The following DNAH10 variants were observed in gnomAD, a reference collection of about 807,000 sequenced individuals.
The protein encoded by DNAH10 is dynein axonemal heavy chain 10.
Under a neutral mutation model 506.6 loss-of-function variants are expected in DNAH10, and 348 were observed. That is an observed-to-expected ratio of 0.69 (90% CI 0.63 to 0.75). The LOEUF (loss-of-function observed/expected upper bound fraction) is 0.75. Ranked by LOEUF, DNAH10 falls within the 30% of genes least tolerant of loss-of-function variation. The pLI, the probability that DNAH10 is intolerant of heterozygous loss-of-function variation, is 0.00. For synonymous variants in DNAH10, 2,059 were observed against 2,198.6 expected, an observed-to-expected ratio of 0.94 and a Z score of 1.78; for missense variants, 5,179 against 5,787.1, an observed-to-expected ratio of 0.89 and a Z score of 3.41.
At position 123,799,340 on chromosome 12, in the gene DNAH10, C is replaced by T; in HGVS notation, c.2258C>T (p.Pro753Leu). The T allele has an allele frequency of 6.2e-7, 1 of 1,611,472 alleles. No homozygotes were observed. Among genetic ancestry groups the T allele is most frequent in the Non-Finnish European group, 8.5e-7 (1 of 1,178,214 alleles). The change falls in exon 14 of 79, where the codon CCA becomes CTA. Residue 753 changes from proline to leucine, a missense_variant. By Grantham distance (98) the Pro-to-Leu change is moderately conservative. Transcript: ENST00000673944. Reference protein sequence around the residue: ...QWMEVTEQVLPALMKKSLLTK... With the variant: ...QWMEVTEQVLLALMKKSLLTK... ...ATGGAGGTGACGGAGCAGGTGCTGC[C>T]AGCTCTCATGAAGAAGAGCCTTTTG... is the stretch of plus-strand genomic sequence containing the variant.
At chr12:123,867,333 G>C in intron 41 of DNAH10, 134 bp from the exon 42 acceptor site, 2 of 974,466 alleles carry the variant, frequency 2.1e-6, no homozygotes, top group East Asian at 2.6e-5. Context: ...CTATTATCAG[G>C]ATTTCCTCAC....
chr12:123,822,713 T>A (rs188418802), intron 24 of DNAH10, among the ~76,000 whole-genome samples: 39 of 152,300 alleles, frequency 2.6e-4, no homozygotes, highest in African/African-American at 8.9e-4. Context: ...TGGTCTGCAG[T>A]TGGCAAGCTA....
In DNAH10 at chr12:123,902,857, G is replaced by T; in HGVS notation, c.9641-82G>T. 6.8e-7 allele frequency: 1 copy of T among 1,467,564 alleles called. No homozygotes were observed. The highest frequency in any genetic ancestry group is 1.4e-5 in the South Asian group (1 of 71,208). The allele number at this position is 1,467,564 out of a possible 1,614,324, so 90.9% of individuals were successfully genotyped here. On this transcript the variant is annotated intron_variant, in intron 56 of 78. Transcript: ENST00000673944. The surrounding 1 kb of genome is among the most constrained non-coding windows in gnomAD (Gnocchi z 4.5). ...GCTAGGGCTCAAGCCAACCTTTGAG[G>T]ACTGCACTCTGCTCAGAGCCGGGGC... is the stretch of plus-strand genomic sequence containing the variant.
Position 123,865,954 on chromosome 12 carries a change from G to A in DNAH10, c.7048G>A (p.Gly2350Arg). Residue 2350 changes from glycine to arginine, a missense_variant, in exon 41 of 79, where the codon GGA becomes AGA. Gly to Arg is a moderately radical substitution (Grantham distance 125, BLOSUM62 -2). This residue lies in a region of DNAH10 where 4,844 missense variants were observed against 5,430.5 expected (regional missense o/e 0.89). Coordinates refer to ENST00000673944, the MANE Select transcript of DNAH10 (RefSeq NM_001372106.1). ...TTGATTTTCTTTATTTATCCAGGTT[G>A]GAGATTTACAGTATGCCTCCCCTGC... ...QAHCALLFEV[G>R]DLQYASPATV... 1 of 1,601,530 alleles carries A rather than the reference G, an allele frequency of 6.2e-7. No individual in the cohort carries two copies. Among genetic ancestry groups the A allele is most frequent in the Non-Finnish European group, 8.5e-7 (1 of 1,175,772 alleles).
chr12:123,787,790 T>A lies in DNAH10; in HGVS notation c.1422-14T>A, dbSNP rs542109616. The A allele has an allele frequency of 1.9e-6, 3 of 1,611,302 alleles. No individual in the cohort carries two copies. The South Asian group carries it at 3.3e-5, about 18-fold the overall frequency. On this transcript the variant is annotated splice_polypyrimidine_tract_variant and intron_variant, in intron 9 of 78. Coordinates refer to ENST00000673944, the MANE Select transcript of DNAH10 (RefSeq NM_001372106.1). The surrounding 1 kb of genome is among the most constrained non-coding windows in gnomAD (Gnocchi z 4.6). Reference sequence around the variant, plus strand: ...TCCGCCCTCCTCCCATCACGGCATCTCTTGGCTTCGCAGAGAAAATCGAGC... The same window carrying A: ...TCCGCCCTCCTCCCATCACGGCATCACTTGGCTTCGCAGAGAAAATCGAGC...
intron 66 of DNAH10, 32 bp downstream of exon 66, chr12:123,923,899 T>A (rs1954830966): frequency 6.8e-7 from 1 of 1,464,898 alleles, no homozygotes; most frequent in Non-Finnish European, 9.4e-7. Flanking sequence ...ATTCCTCCCA[T>A]CTCCTTGCCC....
chr12:123,909,580 G>A lies in DNAH10; in HGVS notation c.9997+138G>A, dbSNP rs1025050055. On this transcript the variant is annotated intron_variant, in intron 58 of 78. Coordinates refer to ENST00000673944, the MANE Select transcript of DNAH10 (RefSeq NM_001372106.1). This position sits in a 1 kb window ranked among gnomAD's most constrained non-coding sequence, Gnocchi z 5.4. The stretch of plus-strand genomic sequence containing the variant: ...GGTCAGATGGTATCGGATGGAACAG[G>A]CAACTGATGGTCACCAGAGGAAAAC... 2.3e-5 allele frequency: 26 copies of A among 1,133,528 alleles called. No homozygotes were observed. In the South Asian group the frequency reaches 3.9e-4, roughly 17 times the overall value. The allele number at this position is 1,133,528 out of a possible 1,614,324, so 70.2% of individuals were successfully genotyped here.
At chr12:123,828,274 G>A (rs1444455288) in intron 25 of DNAH10, among the ~76,000 whole-genome samples, 1 of 151,978 alleles carries the variant, frequency 6.6e-6, no homozygotes, top group Non-Finnish European at 1.5e-5. Flanking sequence ...AGGGACTGAG[G>A]ACACAGCGTA....
Position 123,853,446 on chromosome 12 carries a change from C to A in DNAH10, c.6438+94C>A. 7.0e-7 allele frequency: 1 copy of A among 1,436,278 alleles called. No individual in the cohort carries two copies. Among genetic ancestry groups the A allele is most frequent in the South Asian group, 1.5e-5 (1 of 64,842 alleles). The allele number at this position is 1,436,278 out of a possible 1,614,324, so 89.0% of individuals were successfully genotyped here. ...AGGTGATGGGCACAGTATGGTATCA[C>A]CTGAAAGGTTTAAGTCTTAGCTGCC... On this transcript the variant is annotated intron_variant, in intron 36 of 78. Coordinates refer to ENST00000673944, the MANE Select transcript of DNAH10 (RefSeq NM_001372106.1). The surrounding 1 kb of genome is among the most constrained non-coding windows in gnomAD (Gnocchi z 4.7).
chr12:123,769,992 GGACTTA>G (rs1476527783), intron 2 of DNAH10, among the ~76,000 whole-genome samples: 1 of 149,990 alleles, frequency 6.7e-6, no homozygotes, highest in Non-Finnish European at 1.5e-5. Context: ...TATAATCCCA[GGACTTA>G]GGGAGGCCAA....
At chr12:123,896,557 C>T (rs148969190) in intron 54 of DNAH10, among the ~76,000 whole-genome samples, 84 of 152,142 alleles carry the variant, frequency 5.5e-4, no homozygotes, top group Non-Finnish European at 1.1e-3. Flanking sequence ...ATAAGCCCAC[C>T]CAGTCCTCGG....
At chr12:123,770,670 T>C (rs976300213) in intron 2 of DNAH10, among the ~76,000 whole-genome samples, 8 of 152,218 alleles carry the variant, frequency 5.3e-5, no homozygotes, top group Non-Finnish European at 8.8e-5. Flanking sequence ...CAAAAACTAA[T>C]AGCAGAGAGG....
intron 18 of DNAH10, among the ~76,000 whole-genome samples, chr12:123,807,796 C>CG (rs1958738803): frequency 1.5e-5 from 1 of 66,338 alleles, no homozygotes; most frequent in Non-Finnish European, 2.9e-5. Flanking sequence ...GAGAGAGAGG[C>CG]AGAGGGGGAG....
In DNAH10 at chr12:123,913,311, A is replaced by C; in HGVS notation, c.10348A>C (p.Ile3450Leu). The change falls in exon 60 of 79, where the codon ATC becomes CTC. Residue 3450 changes from isoleucine (I) to leucine (L), a missense_variant. Around this residue, in one of 3 missense-constraint regions of DNAH10, gnomAD observed 4,844 missense variants for 5,430.5 expected, o/e 0.89. Coordinates refer to ENST00000673944, the MANE Select transcript of DNAH10 (RefSeq NM_001372106.1). The surrounding 1 kb of genome is among the most constrained non-coding windows in gnomAD (Gnocchi z 5.1). The part of the protein sequence containing the change: ...KLISGLGSEN[I>L]RWLNDLDELM... ...CATCTCGGGTCTGGGGTCAGAAAAC[A>C]TCAGGTTAGCGCTGCTCACGAGCCC... The C allele has an allele frequency of 6.3e-7, 1 of 1,595,246 alleles. No homozygotes were observed. Among genetic ancestry groups the C allele is most frequent in the Non-Finnish European group, 8.5e-7 (1 of 1,171,798 alleles).
Position 123,762,370 on chromosome 12 carries a change from C to G in DNAH10, c.34C>G (p.Arg12Gly). The change falls in exon 1 of 79, where the codon CGC becomes GGC. Residue 12 changes from arginine to glycine, a missense_variant. Arg to Gly is a moderately radical substitution (Grantham distance 125). This residue lies in a region of DNAH10 where 326 missense variants were observed against 330.8 expected (regional missense o/e 0.99). Coordinates refer to ENST00000673944, the MANE Select transcript of DNAH10 (RefSeq NM_001372106.1). This position sits in a 1 kb window ranked among gnomAD's most constrained non-coding sequence, Gnocchi z 5.0. ...CCTGCGGGTGCTGTGGATGCGCGAC[C>G]GCGTGTATGCGGCTTTCGGCATCAC... The part of the protein sequence containing the change: ...DDLRVLWMRD[R>G]VYAAFGITDP... 1 of 1,366,770 alleles carries G rather than the reference C, an allele frequency of 7.3e-7. No individual in the cohort carries two copies. Among genetic ancestry groups the G allele is most frequent in the Non-Finnish European group, 9.5e-7 (1 of 1,056,640 alleles). 84.7% of individuals were successfully genotyped at this position (1,366,770 alleles called of 1,614,324 possible). A position where few individuals can be genotyped will look rare whatever the true frequency, so the allele number is the denominator to read the frequency against.
Position 123,928,320 on chromosome 12 carries a change from G to C in DNAH10, c.12106-67G>C. ...TCGCCCTTCTGTGGGTGTGGAGTGG[G>C]TCTCTGGAGAGCACGGGGTTGGGTT... is the stretch of plus-strand genomic sequence containing the variant. On this transcript the variant is annotated intron_variant, in intron 69 of 78. Transcript: ENST00000673944. This position sits in a 1 kb window ranked among gnomAD's most constrained non-coding sequence, Gnocchi z 4.9. 6.6e-7 allele frequency: 1 copy of C among 1,518,196 alleles called. No individual in the cohort carries two copies. Among genetic ancestry groups the C allele is most frequent in the South Asian group, 1.2e-5 (1 of 81,210 alleles). The allele number at this position is 1,518,196 out of a possible 1,614,324, so 94.0% of individuals were successfully genotyped here.
At chr12:123,910,809 C>A in intron 59 of DNAH10, 137 bp downstream of exon 59, 3 of 1,066,244 alleles carry the variant, frequency 2.8e-6, no homozygotes, top group Non-Finnish European at 4.0e-6. Context: ...CTCCACCACC[C>A]AATAAATGGC....
At chr12:123,792,957 A>T (rs538031237) in intron 11 of DNAH10, among the ~76,000 whole-genome samples, 3 of 152,312 alleles carry the variant, frequency 2.0e-5, no homozygotes, top group South Asian at 2.1e-4. Flanking sequence ...TGAGTCTTAT[A>T]TGTATGAATT....
At chr12:123,842,000 G>A (rs544577107) in intron 30 of DNAH10, among the ~76,000 whole-genome samples, 1 of 152,318 alleles carries the variant, frequency 6.6e-6, no homozygotes, top group South Asian at 2.1e-4. Flanking sequence ...TTTAGCATAT[G>A]TGCTGCCAAA....
Sources: gnomAD v4.1 joint callset for allele counts (sites outside exome capture counted in the v4.1 genomes callset) on GRCh38, gnomAD v4.1.1 for gene constraint, gnomAD v4.1.1 regional missense constraint, Gnocchi (gnomAD v3.1) non-coding constraint, MANE v1.5 for transcripts, NCBI Gene and HGNC (gene_info 2026-07-23, HGNC 2026-07-21) for gene names.